Variants in FAT1 observed in about 807,000 individuals in gnomAD.
FAT1 encodes FAT atypical cadherin 1, also known as protocadherin Fat 1.
FAT1 carries 171 observed loss-of-function variants against 329.8 expected under a neutral mutation model. The observed-to-expected ratio is 0.52, with a 90% CI of 0.46 to 0.59. FAT1 has a LOEUF of 0.59. Among genes scored for constraint, FAT1 ranks in the 20% least tolerant of loss-of-function variants. The pLI is 0.00. For missense variants in FAT1, 5,672 were observed against 5,774.4 expected, an observed-to-expected ratio of 0.98 and a Z score of 0.57; for synonymous variants, 2,233 against 2,228.6, an observed-to-expected ratio of 1.00 and a Z score of -0.06.
chr4:186,603,739 C>T lies in FAT1; in HGVS notation c.10787G>A (p.Gly3596Glu), dbSNP rs778410171. Residue 3596 changes from glycine to glutamate, a missense_variant, in exon 19 of 27, where the codon GGG becomes GAG. Gly to Glu is a moderately conservative substitution (Grantham distance 98). Coordinates refer to ENST00000441802, the MANE Select transcript of FAT1 (RefSeq NM_005245.4). ...MDNLFSVSST[G>E]GKLIAHKKLD... Reference sequence around the variant, plus strand: ...CTTTTTGTGTGCTATCAGCTTGCCCCCTGTGCTGGAAACAGAGAACAGGTT... The same window carrying T: ...CTTTTTGTGTGCTATCAGCTTGCCCTCTGTGCTGGAAACAGAGAACAGGTT... The T allele has an allele frequency of 6.2e-7, 1 of 1,613,938 alleles. No individual in the cohort carries two copies. The highest frequency in any genetic ancestry group is 8.5e-7 in the Non-Finnish European group (1 of 1,179,884).
In FAT1 at chr4:186,619,925, C is replaced by T. The variant is rs764035128; in HGVS notation, c.6661G>A (p.Gly2221Arg). Residue 2221 changes from glycine to arginine, a missense_variant, in exon 10 of 27, where the codon GGA becomes AGA. Physicochemically the swap from Gly to Arg is moderately radical, Grantham distance 125 (BLOSUM62 -2). Transcript: ENST00000441802. Reference protein sequence around the residue: ...GLKVFYSITDGDPFSQFTINF... With the variant: ...GLKVFYSITDRDPFSQFTINF... ...ATAGTGAACTGGCTGAAAGGGTCTC[C>T]GTCTGTGATGCTGTAGAACACTTTC... 9 of 1,613,812 alleles carry T rather than the reference C, an allele frequency of 5.6e-6. No individual in the cohort carries two copies. The East Asian group carries it at 6.7e-5, about 12-fold the overall frequency.
Position 186,611,674 on chromosome 4 carries a change from T to C in FAT1, c.9565A>G (p.Arg3189Gly), listed in dbSNP as rs769304947. 42 of 1,610,596 alleles carry C rather than the reference T, an allele frequency of 2.6e-5. No homozygotes were observed. The highest frequency in any genetic ancestry group is 3.6e-5 in the Non-Finnish European group (42 of 1,178,154). Residue 3189 changes from arginine (R) to glycine (G), a missense_variant, in exon 14 of 27, where the codon AGA becomes GGA. Coordinates refer to ENST00000441802, the MANE Select transcript of FAT1 (RefSeq NM_005245.4). ...GIIQLEKPLD[R>G]ELQAVYTLSL... The stretch of plus-strand genomic sequence containing the variant: ...AGGGTGTATACTGCCTGGAGTTCTC[T>C]GTCCAAAGGTTTTTCTAACTGAATA...
chr4:186,687,699 G>C (rs1329455456), intron 2 of FAT1, among the ~76,000 whole-genome samples: 1 of 152,126 alleles, frequency 6.6e-6, no homozygotes, highest in Non-Finnish European at 1.5e-5. Context: ...AACACTTCTA[G>C]TCCCAAGTAT....
At chr4:186,661,166 C>T (rs145366627) in intron 3 of FAT1, among the ~76,000 whole-genome samples, 3 of 152,228 alleles carry the variant, frequency 2.0e-5, no homozygotes, top group African/African-American at 4.8e-5. Context: ...GTTCCTGGCT[C>T]GTTAACTCCC....
chr4:186,702,247 T>C (rs1744366138), intron 2 of FAT1, among the ~76,000 whole-genome samples: 1 of 152,266 alleles, frequency 6.6e-6, no homozygotes, highest in African/African-American at 2.4e-5. Flanking sequence ...TGACAACGGC[T>C]GTACTTCCAT....
At chr4:186,650,412 A>G (rs1741582616) in intron 3 of FAT1, among the ~76,000 whole-genome samples, 1 of 152,222 alleles carries the variant, frequency 6.6e-6, no homozygotes, top group South Asian at 2.1e-4. Flanking sequence ...GTAACACACA[A>G]AAGTTCCAAC....
Position 186,620,809 on chromosome 4 carries a change from T to C in FAT1, c.5777A>G (p.Lys1926Arg). 1 of 1,614,020 alleles carries C rather than the reference T, an allele frequency of 6.2e-7. No individual in the cohort carries two copies. The highest frequency in any genetic ancestry group is 8.5e-7 in the Non-Finnish European group (1 of 1,179,906). ...ACCAGTCTTGTAGTCCATAGAAAAC[T>C]TCTCCCCGATGTTGCCTTCGGTGAT... The part of the protein sequence containing the change: ...YSITEGNIGE[K>R]FSMDYKTGAL... Residue 1926 changes from lysine to arginine, a missense_variant, in exon 10 of 27, where the codon AAG (lysine) becomes AGG (arginine). Physicochemically the swap from Lys to Arg is conservative, Grantham distance 26. This residue lies in a region of FAT1 where 3,966 missense variants were observed against 3,915.2 expected (regional missense o/e 1.01). Coordinates refer to ENST00000441802, the MANE Select transcript of FAT1 (RefSeq NM_005245.4).
At chr4:186,677,363 C>G (rs1743007190) in intron 2 of FAT1, among the ~76,000 whole-genome samples, 1 of 152,110 alleles carries the variant, frequency 6.6e-6, no homozygotes, top group South Asian at 2.1e-4. Flanking sequence ...TTAAATCAAA[C>G]AGCCCTATCT....
At chr4:186,678,713 C>T (rs77659244) in intron 2 of FAT1, among the ~76,000 whole-genome samples, 1,908 of 151,412 alleles carry the variant, frequency 0.013, 35 homozygotes, top group African/African-American at 0.044. Context: ...GGCAAGGCTG[C>T]GGAGAAACAG....
At chr4:186,609,386 T>C in intron 15 of FAT1, 66 bp from the exon 16 acceptor site, 1 of 1,537,154 alleles carries the variant, frequency 6.5e-7, no homozygotes, top group Non-Finnish European at 8.8e-7. Flanking sequence ...TACACAAAAT[T>C]TGTGATATTA....
At chr4:186,598,973 G>A (rs755980975) in intron 22 of FAT1, among the ~76,000 whole-genome samples, 49 of 152,192 alleles carry the variant, frequency 3.2e-4, no homozygotes, top group Non-Finnish European at 5.7e-4. Context: ...TCAGGATGAA[G>A]AACTGTGGTG....
intron 3 of FAT1, among the ~76,000 whole-genome samples, chr4:186,660,052 G>A (rs919766762): frequency 1.3e-5 from 2 of 152,326 alleles, no homozygotes; most frequent in Admixed American, 1.3e-4. Context: ...CAGAGGGAAG[G>A]CCTCACTATG....
At chr4:186,715,206 G>A (rs1745153521) in intron 1 of FAT1, among the ~76,000 whole-genome samples, 1 of 151,110 alleles carries the variant, frequency 6.6e-6, no homozygotes, top group South Asian at 2.1e-4. Context: ...GACTGCTTTG[G>A]CTGTTCTCTC....
At chr4:186,695,799 ACAC>A (rs1182933849) in intron 2 of FAT1, among the ~76,000 whole-genome samples, 19 of 150,488 alleles carry the variant, frequency 1.3e-4, no homozygotes, top group Middle Eastern at 3.4e-3. Flanking sequence ...ACACACACAC[ACAC>A]ATTTTTGAGA....
intron 1 of FAT1, among the ~76,000 whole-genome samples, chr4:186,712,360 T>A (rs1744999951): frequency 7.3e-6 from 1 of 137,648 alleles, no homozygotes; most frequent in South Asian, 2.4e-4. Context: ...TTCTCTACTG[T>A]GGTTTTTTTT....
chr4:186,665,826 C>A (rs1336618265), intron 2 of FAT1, among the ~76,000 whole-genome samples: 2 of 152,026 alleles, frequency 1.3e-5, no homozygotes, highest in Non-Finnish European at 2.9e-5. Context: ...GAAAATGTGG[C>A]ACCTACACAC....
intron 2 of FAT1, among the ~76,000 whole-genome samples, chr4:186,686,034 C>A (rs1174701991): frequency 6.6e-6 from 1 of 152,184 alleles, no homozygotes; most frequent in Non-Finnish European, 1.5e-5. Flanking sequence ...TATCTATGGG[C>A]AGTCAGCAAA....
At chr4:186,663,746 A>C in intron 2 of FAT1, 133 bp from the exon 3 acceptor site, 2 of 659,204 alleles carry the variant, frequency 3.0e-6, no homozygotes, top group Non-Finnish European at 5.1e-6. Flanking sequence ...GAGCAGGTTA[A>C]CCAGCCTTTC....
intron 2 of FAT1, among the ~76,000 whole-genome samples, chr4:186,704,640 A>T (rs755302177): frequency 6.6e-6 from 1 of 152,222 alleles, no homozygotes; most frequent in Non-Finnish European, 1.5e-5. Context: ...TTACAAAAAC[A>T]GTTTGACTCA....
Sources: allele counts gnomAD v4.1 joint callset (sites outside exome capture counted in the v4.1 genomes callset), GRCh38; gene constraint gnomAD v4.1.1; regional missense constraint gnomAD v4.1.1; transcripts MANE v1.5; gene names NCBI Gene and HGNC (gene_info 2026-07-23, HGNC 2026-07-21).